Variants in KCNQ2 observed in about 807,000 individuals in gnomAD.
KCNQ2 encodes the protein potassium voltage-gated channel subfamily KQT member 2.
KCNQ2 carries 14 observed loss-of-function variants against 84.8 expected under a neutral mutation model. The observed-to-expected ratio is 0.17, with a 90% confidence interval of 0.11 to 0.26. The LOEUF (loss-of-function observed/expected upper bound fraction) is 0.26, where lower values mean the gene tolerates loss of function less well. KCNQ2 is among the 10% of genes least tolerant of loss of function. The pLI is 1.00. For synonymous variants in KCNQ2, 599 were observed against 554.1 expected (o/e 1.08, Z -1.14); for missense variants, 788 against 1,254.0 (o/e 0.63, Z 5.61).
chr20:63,416,340 G>C (rs936493800), intron 12 of KCNQ2, among the ~76,000 whole-genome samples: 1 of 152,232 alleles, frequency 6.6e-6, no homozygotes, highest in South Asian at 2.1e-4. Flanking sequence ...TTGCACCCGA[G>C]TTCTTCAACT....
intron 1 of KCNQ2, among the ~76,000 whole-genome samples, chr20:63,470,054 T>C (rs780826395): frequency 9.2e-5 from 14 of 152,240 alleles, no homozygotes; most frequent in South Asian, 2.1e-4. Context: ...GTGCCGACGT[T>C]ACCGACGGAA....
In KCNQ2 at chr20:63,404,100, G is replaced by C. The variant is rs2079865275; in HGVS notation, c.*2544C>G. 6.6e-6 allele frequency: 1 copy of C among 152,342 alleles called. No individual in the cohort carries two copies. The highest frequency in any genetic ancestry group is 1.5e-5 in the Non-Finnish European group (1 of 68,120). 9.4% of individuals were successfully genotyped at this position (152,342 alleles called of 1,614,324 possible). A position where few individuals can be genotyped will look rare whatever the true frequency, so the allele number is the denominator to read the frequency against. On this transcript the variant is annotated 3_prime_UTR_variant, in exon 17 of 17. Coordinates refer to ENST00000359125, the MANE Select transcript of KCNQ2 (RefSeq NM_172107.4). ...ACACCACACGTTCCTTGCTGGACAT[G>C]AGTCTGGCCTCAGTCCCTCCTGCTG... is the stretch of plus-strand genomic sequence containing the variant.
At chr20:63,447,394 C>T (rs980665281) in intron 1 of KCNQ2, 2 of 155,172 alleles carry the variant, frequency 1.3e-5, no homozygotes, top group African/African-American at 2.4e-5. Context: ...CAGCCTCGTC[C>T]TGGCTGCCAG....
In KCNQ2 at chr20:63,414,861, C is replaced by A; in HGVS notation, c.1525+42G>T. 1.3e-6 allele frequency: 2 copies of A among 1,595,780 alleles called. No individual in the cohort carries two copies. Among genetic ancestry groups the A allele is most frequent in the Non-Finnish European group, 1.7e-6 (2 of 1,166,104 alleles). On this transcript the variant is annotated intron_variant, in intron 13 of 16. Coordinates refer to ENST00000359125, the MANE Select transcript of KCNQ2 (RefSeq NM_172107.4). This position sits in a 1 kb window ranked among gnomAD's most constrained non-coding sequence, Gnocchi z 6.6. ...ACAGTAGCGTGGCCACCACATCCAT[C>A]CCCGGAGAGGATGGACCAGGAGAGG...
rs776866446 is a variant in KCNQ2 at position 63,411,750 on chromosome 20, G to A, written c.1763+1700C>T. The A allele has an allele frequency of 3.4e-5, 20 of 591,846 alleles. 1 individual carries two copies. Among genetic ancestry groups the A allele is most frequent in the African/African-American group, 5.9e-5 (3 of 51,282 alleles). 36.7% of individuals were successfully genotyped at this position (591,846 alleles called of 1,614,324 possible). A position where few individuals can be genotyped will look rare whatever the true frequency, so the allele number is the denominator to read the frequency against. On this transcript the variant is annotated intron_variant, in intron 15 of 16. Transcript: ENST00000359125. ...AAGGGGCCGGCCATTCCACAGACAC[G>A]TCGGAGAGGCGCTGGCATCCTAACC...
intron 15 of KCNQ2, among the ~76,000 whole-genome samples, chr20:63,410,485 C>T (rs2145514072): frequency 6.6e-6 from 1 of 152,334 alleles, no homozygotes; most frequent in African/African-American, 2.4e-5. Flanking sequence ...GAGCTCACAG[C>T]TGTGGATGCC....
At chr20:63,423,707 C>T (rs1266995154) in intron 11 of KCNQ2, 1 of 166,360 alleles carries the variant, frequency 6.0e-6, no homozygotes, top group Non-Finnish European at 1.3e-5. Flanking sequence ...GGACGAGGGG[C>T]CCTGGTCTGT....
intron 1 of KCNQ2, chr20:63,448,166 A>C (rs1475165918): frequency 1.3e-5 from 2 of 152,298 alleles, no homozygotes; most frequent in Admixed American, 6.5e-5. Context: ...CGCGTGCTGA[A>C]GTCACTGAAT....
rs2080613747 is a variant in KCNQ2, at chr20:63,425,859, T to C, written c.1218-1653A>G. ...GGCTAAAGTCCTCCATGCATGGGCTTGTGAACTAGAAAACAAGCCATCTGC... is the reference window on the plus strand; with the variant it reads ...GGCTAAAGTCCTCCATGCATGGGCTCGTGAACTAGAAAACAAGCCATCTGC... On this transcript the variant is annotated intron_variant, in intron 10 of 16. Coordinates refer to ENST00000359125, the MANE Select transcript of KCNQ2 (RefSeq NM_172107.4). This position sits in a 1 kb window ranked among gnomAD's most constrained non-coding sequence, Gnocchi z 5.5. 6.6e-6 allele frequency among the ~76,000 whole-genome samples: 1 copy of C among 152,224 alleles called. No homozygotes were observed. Among genetic ancestry groups the C allele is most frequent in the Non-Finnish European group, 1.5e-5 (1 of 68,032 alleles).
intron 15 of KCNQ2, chr20:63,413,172 T>G: frequency 2.0e-6 from 1 of 493,704 alleles, no homozygotes; most frequent in Non-Finnish European, 3.9e-6. Flanking sequence ...ATGCGTGACT[T>G]ACACACACAC....
rs541492594 is a variant in KCNQ2 at position 63,417,305 on chromosome 20, C to T, written c.1302-2179G>A. Among the ~76,000 whole-genome samples, 63 of 152,354 alleles carry T rather than the reference C, an allele frequency of 4.1e-4. 1 individual carries two copies. The highest frequency in any genetic ancestry group is 1.4e-3 in the African/African-American group (60 of 41,590). ...GAATGTTCTCTCTTTCTCCACCGCA[C>T]GAGCCATTTCAAAGGCAAGAATAGG... On this transcript the variant is annotated intron_variant, in intron 12 of 16. Coordinates refer to ENST00000359125, the MANE Select transcript of KCNQ2 (RefSeq NM_172107.4).
chr20:63,452,301 C>CA (rs1197235407), intron 1 of KCNQ2, among the ~76,000 whole-genome samples: 5 of 152,262 alleles, frequency 3.3e-5, no homozygotes, highest in African/African-American at 1.2e-4. Context: ...AGCTGTAATC[C>CA]AGTGCCTGCC....
At chr20:63,443,460 C>T (rs1229876179) in intron 4 of KCNQ2, among the ~76,000 whole-genome samples, 4 of 17,576 alleles carry the variant, frequency 2.3e-4, no homozygotes, top group African/African-American at 3.9e-4. Flanking sequence ...ATCACCATCA[C>T]CACCATCACC....
In KCNQ2 at chr20:63,446,872, G is replaced by T. The variant is rs758166249; in HGVS notation, c.297-35C>A. On this transcript the variant is annotated intron_variant, in intron 1 of 16. Coordinates refer to ENST00000359125, the MANE Select transcript of KCNQ2 (RefSeq NM_172107.4). This position sits in a 1 kb window ranked among gnomAD's most constrained non-coding sequence, Gnocchi z 5.5. The stretch of plus-strand genomic sequence containing the variant: ...GGGAACGCGCGCTCTCAGACAGGCC[G>T]CAGCAGGGCAGCAGCATGGCTGTGT... 2 of 1,552,326 alleles carry T rather than the reference G, an allele frequency of 1.3e-6. No homozygotes were observed. The highest frequency in any genetic ancestry group is 2.7e-5 in the African/African-American group (2 of 73,620).
At position 63,441,205 on chromosome 20, in the gene KCNQ2, C is replaced by T. The variant is rs1303514327; in HGVS notation, c.816+1201G>A. Among the ~76,000 whole-genome samples, 4 of 149,028 alleles carry T rather than the reference C, an allele frequency of 2.7e-5. No individual in the cohort carries two copies. The East Asian group carries it at 6.2e-4, about 23-fold the overall frequency. On this transcript the variant is annotated intron_variant, in intron 5 of 16. Transcript: ENST00000359125. The stretch of plus-strand genomic sequence containing the variant: ...GCCTGGCCTGCGGGGGAGGTGAGGG[C>T]GGGGTTCCCCCCACACTGCTGAAAA...
At chr20:63,457,653 C>T (rs1179048231) in intron 1 of KCNQ2, among the ~76,000 whole-genome samples, 2 of 152,188 alleles carry the variant, frequency 1.3e-5, no homozygotes, top group Non-Finnish European at 2.9e-5. Context: ...GAGCTGGAGG[C>T]GGGGGTCCTG....
In KCNQ2 at chr20:63,413,578, G is replaced by T. The variant is rs375045009; in HGVS notation, c.1635C>A (p.Val545=). The T allele has an allele frequency of 1.1e-5, 18 of 1,607,270 alleles. No homozygotes were observed. The African/African-American group carries it at 1.9e-4, about 17-fold the overall frequency. ...TCCGCTTGGACACCAGGAACCGCATGACACTGCAGGGGGGTGGGTGGGGCT... is the reference window on the plus strand; with the variant it reads ...TCCGCTTGGACACCAGGAACCGCATTACACTGCAGGGGGGTGGGTGGGGCT... ...GLKVSIRAVC[V]MRFLVSKRKF... The change falls in exon 15 of 17, where the codon GTC becomes GTA. Residue 545 remains valine, a synonymous_variant. Transcript: ENST00000359125.
chr20:63,467,980 CTT>C (rs1377405032), intron 1 of KCNQ2, among the ~76,000 whole-genome samples: 1 of 152,200 alleles, frequency 6.6e-6, no homozygotes, highest in Non-Finnish European at 1.5e-5. Context: ...TCTGCTTATC[CTT>C]TAGCTCCTAT....
In KCNQ2 at chr20:63,408,428, C is replaced by T; in HGVS notation, c.1872G>A (p.Gly624=). The change falls in exon 16 of 17, where the codon GGG becomes GGA. Residue 624 remains glycine (G), a synonymous_variant. Coordinates refer to ENST00000359125, the MANE Select transcript of KCNQ2 (RefSeq NM_172107.4). This position sits in a 1 kb window ranked among gnomAD's most constrained non-coding sequence, Gnocchi z 5.0. ...CCTCTCGCACCTGCTTCTCCACCTT[C>T]CCGAGCCGTCCCATCATGCTGGGGT... ...PEDPSMMGRL[G]KVEKQVLSME... is the part of the protein sequence containing the mutation. The T allele has an allele frequency of 6.2e-7, 1 of 1,608,834 alleles. No individual in the cohort carries two copies. The highest frequency in any genetic ancestry group is 8.5e-7 in the Non-Finnish European group (1 of 1,179,198).
Sources: allele counts gnomAD v4.1 joint callset (sites outside exome capture counted in the v4.1 genomes callset), GRCh38; gene constraint gnomAD v4.1.1; non-coding constraint Gnocchi (gnomAD v3.1); transcripts MANE v1.5; gene names NCBI Gene and HGNC (gene_info 2026-07-23, HGNC 2026-07-21).